Variants in DIAPH3 observed in about 807,000 individuals in gnomAD.
The protein encoded by DIAPH3 is protein diaphanous homolog 3.
Under a neutral mutation model 144.3 loss-of-function variants are expected in DIAPH3, and 117 were observed. That is an observed-to-expected ratio of 0.81 (90% confidence interval 0.70 to 0.95). The LOEUF is 0.95. Among genes scored for constraint, DIAPH3 ranks in the 40% least tolerant of loss-of-function variants. The probability of loss-of-function intolerance (pLI) is 0.00; values close to 1 mark genes in which losing one functional copy is unlikely to be tolerated. For synonymous variants in DIAPH3, 519 were observed against 488.9 expected, an observed-to-expected ratio of 1.06 and a Z score of -0.81; for missense variants, 1,421 against 1,412.7, an observed-to-expected ratio of 1.01 and a Z score of -0.09.
intron 18 of DIAPH3, among the ~76,000 whole-genome samples, chr13:59,917,505 C>A (rs561906513): frequency 4.2e-4 from 64 of 152,220 alleles, no homozygotes; most frequent in African/African-American, 1.5e-3. Flanking sequence ...CCCAAGAAGT[C>A]TTAAATATGA....
intron 27 of DIAPH3, among the ~76,000 whole-genome samples, chr13:59,697,376 C>A: frequency 7.6e-6 from 1 of 132,118 alleles, no homozygotes; most frequent in Non-Finnish European, 1.5e-5. Flanking sequence ...AAGGGAATGG[C>A]GTGAACTCGG....
intron 5 of DIAPH3, among the ~76,000 whole-genome samples, chr13:60,016,522 C>A (rs191163654): frequency 6.6e-6 from 1 of 152,144 alleles, no homozygotes; most frequent in Non-Finnish European, 1.5e-5. Flanking sequence ...AAACATTTAC[C>A]AGCATACCAC....
At chr13:59,944,794 A>G (rs75530251) in intron 17 of DIAPH3, among the ~76,000 whole-genome samples, 20 of 148,176 alleles carry the variant, frequency 1.3e-4, no homozygotes, top group East Asian at 9.9e-4. Context: ...TTAGAAAAAA[A>G]GGGGGGGGGC....
intron 17 of DIAPH3, among the ~76,000 whole-genome samples, chr13:59,968,600 T>C (rs892284528): frequency 9.9e-5 from 15 of 152,186 alleles, no homozygotes; most frequent in East Asian, 7.7e-4. Flanking sequence ...TTTAATACTT[T>C]AGTCAGGATA....
chr13:59,802,234 G>C (rs2039939988), intron 25 of DIAPH3, among the ~76,000 whole-genome samples: 1 of 152,148 alleles, frequency 6.6e-6, no homozygotes, highest in South Asian at 2.1e-4. Flanking sequence ...AAGCACAATG[G>C]TTGTGCTAGA....
At chr13:60,092,655 G>GA (rs1157798538) in intron 4 of DIAPH3, among the ~76,000 whole-genome samples, 1,528 of 143,280 alleles carry the variant, frequency 0.011, 19 homozygotes, top group African/African-American at 0.034. Context: ...CGTCTCAAAA[G>GA]AAAAAAAAAA....
rs372917103 is a variant in DIAPH3, at chr13:60,110,265, T to A, written c.390+1745A>T. Among the ~76,000 whole-genome samples the A allele has an allele frequency of 2.6e-5, 4 of 152,206 alleles. No individual in the cohort carries two copies. The East Asian group carries it at 5.8e-4, about 22-fold the overall frequency. On this transcript the variant is annotated intron_variant, in intron 3 of 27. Transcript: ENST00000400324. ...ACAATGCCAAAGCAAAGAACCTAGA[T>A]GCAAACTTTAAATAGTATAAAGCCT...
chr13:60,123,238 T>C (rs189523221), intron 2 of DIAPH3, among the ~76,000 whole-genome samples: 1 of 152,258 alleles, frequency 6.6e-6, no homozygotes, highest in African/African-American at 2.4e-5. Flanking sequence ...CCAGCCCCTA[T>C]CATATCACAC....
At chr13:59,704,100 C>T (rs528264818) in intron 27 of DIAPH3, among the ~76,000 whole-genome samples, 1 of 152,370 alleles carries the variant, frequency 6.6e-6, no homozygotes, top group African/African-American at 2.4e-5. Context: ...AGATCTTCTT[C>T]TTAGACTTCG....
intron 27 of DIAPH3, among the ~76,000 whole-genome samples, chr13:59,729,058 G>A (rs766770617): frequency 1.3e-5 from 2 of 152,138 alleles, no homozygotes; most frequent in Non-Finnish European, 2.9e-5. Context: ...AATGTTTCTG[G>A]TGAAGTACAC....
At chr13:59,730,981 C>T (rs1304671502) in intron 27 of DIAPH3, among the ~76,000 whole-genome samples, 4 of 152,134 alleles carry the variant, frequency 2.6e-5, no homozygotes, top group African/African-American at 7.2e-5. Flanking sequence ...TGCCATTCCC[C>T]ATTATTCCCT....
chr13:59,898,821 T>C (rs1397496897), intron 20 of DIAPH3, among the ~76,000 whole-genome samples: 1 of 152,154 alleles, frequency 6.6e-6, no homozygotes, highest in Non-Finnish European at 1.5e-5. Flanking sequence ...GATTGAAGGA[T>C]GCAAAGTATT....
At chr13:60,135,927 G>T (rs898331853) in intron 1 of DIAPH3, among the ~76,000 whole-genome samples, 2 of 152,146 alleles carry the variant, frequency 1.3e-5, no homozygotes, top group Non-Finnish European at 2.9e-5. Context: ...GTGAAAAAAT[G>T]TAAACACTAT....
At chr13:59,924,704 C>G (rs1056837034) in intron 18 of DIAPH3, 71 bp downstream of exon 18, 16 of 1,546,118 alleles carry the variant, frequency 1.0e-5, no homozygotes, top group Non-Finnish European at 1.3e-5. Flanking sequence ...AATAATCGGT[C>G]TTAAAGAAAA....
chr13:59,720,482 A>C (rs918438338), intron 27 of DIAPH3, among the ~76,000 whole-genome samples: 6 of 152,194 alleles, frequency 3.9e-5, no homozygotes, highest in Non-Finnish European at 8.8e-5. Flanking sequence ...TATTTTAATA[A>C]ACATGGGCAA....
chr13:59,836,416 T>C (rs1322786505), intron 23 of DIAPH3, among the ~76,000 whole-genome samples: 1 of 151,832 alleles, frequency 6.6e-6, no homozygotes, highest in Non-Finnish European at 1.5e-5. Context: ...GTGGAAATAT[T>C]CAATTCTAAT....
intron 23 of DIAPH3, chr13:59,838,982 G>C (rs536390349): frequency 1.1e-4 from 27 of 242,256 alleles, no homozygotes; most frequent in African/African-American, 5.0e-4. Flanking sequence ...ATGGTGGTGC[G>C]TGCCTGTAGG....
chr13:60,160,004 T>C (rs1952212166), intron 1 of DIAPH3, among the ~76,000 whole-genome samples: 1 of 152,070 alleles, frequency 6.6e-6, no homozygotes, highest in Non-Finnish European at 1.5e-5. Context: ...GGTGGGCGGA[T>C]CACGAGGTCA....
At chr13:59,987,844 A>T (rs2051525664) in intron 12 of DIAPH3, among the ~76,000 whole-genome samples, 2 of 151,840 alleles carry the variant, frequency 1.3e-5, no homozygotes, top group Non-Finnish European at 2.9e-5. Context: ...AATAAATGTA[A>T]ATAAAACAGA....
Sources: gnomAD v4.1 joint callset for allele counts (sites outside exome capture counted in the v4.1 genomes callset) on GRCh38, gnomAD v4.1.1 for gene constraint, MANE v1.5 for transcripts, NCBI Gene and HGNC (gene_info 2026-07-23, HGNC 2026-07-21) for gene names.